Variants in TJP3 observed in about 807,000 individuals in gnomAD.
TJP3 encodes tight junction protein 3.
Under a neutral mutation model 104.2 loss-of-function variants are expected in TJP3, and 85 were observed. The observed-to-expected ratio is 0.82, with a 90% CI of 0.68 to 0.98. TJP3 has a LOEUF of 0.98. TJP3 is among the 50% of genes least tolerant of loss of function. The pLI is 0.00. For synonymous variants in TJP3, 550 were observed against 550.6 expected (o/e 1.00, Z 0.02); for missense variants, 1,367 against 1,322.8 (o/e 1.03, Z -0.52).
intron 3 of TJP3, 116 bp downstream of exon 3, chr19:3,728,829 G>A (rs1002692327): frequency 9.2e-7 from 1 of 1,085,696 alleles, no homozygotes; most frequent in South Asian, 1.5e-5. Context: ...GAAGTGGGCG[G>A]ATCACCTGAG....
intron 1 of TJP3, among the ~76,000 whole-genome samples, chr19:3,718,133 G>C (rs1019878061): frequency 6.7e-5 from 10 of 148,922 alleles, no homozygotes; most frequent in East Asian, 2.0e-4. Context: ...GTGAACCCGG[G>C]AAGCAGAGCT....
intron 1 of TJP3, among the ~76,000 whole-genome samples, chr19:3,712,379 G>A (rs772639169): frequency 2.6e-5 from 4 of 152,132 alleles, no homozygotes; most frequent in Non-Finnish European, 5.9e-5. Flanking sequence ...TGGGGCAGGG[G>A]GCCCCCTCTA....
At chr19:3,724,302 T>A (rs1325213133) in intron 1 of TJP3, among the ~76,000 whole-genome samples, 1 of 150,768 alleles carries the variant, frequency 6.6e-6, no homozygotes, top group Non-Finnish European at 1.5e-5. Context: ...TTCACGCCAT[T>A]CTCCTGCCTC....
intron 13 of TJP3, among the ~76,000 whole-genome samples, chr19:3,739,727 C>T (rs1008639739): frequency 5.3e-5 from 8 of 152,190 alleles, no homozygotes; most frequent in Non-Finnish European, 7.3e-5. Flanking sequence ...CCCAGAGGCT[C>T]CAGGAGAAAA....
intron 15 of TJP3, among the ~76,000 whole-genome samples, chr19:3,744,469 T>G (rs1272537699): frequency 6.6e-6 from 1 of 151,768 alleles, no homozygotes; most frequent in Non-Finnish European, 1.5e-5. Flanking sequence ...ATTGAGACCA[T>G]CCTGGCTAAC....
chr19:3,718,026 T>C (rs756637717), intron 1 of TJP3, among the ~76,000 whole-genome samples: 14 of 151,128 alleles, frequency 9.3e-5, no homozygotes, highest in Admixed American at 5.3e-4. Context: ...CCATCCTGGC[T>C]AACACGGTGA....
chr19:3,749,850 G>C (rs143470894), intron 19 of TJP3, among the ~76,000 whole-genome samples: 1 of 152,214 alleles, frequency 6.6e-6, no homozygotes, highest in African/African-American at 2.4e-5. Flanking sequence ...ACTGTACTAA[G>C]TCCTTTACGT....
intron 8 of TJP3, among the ~76,000 whole-genome samples, chr19:3,735,193 GTTTA>G (rs1004628527): frequency 2.3e-4 from 35 of 151,798 alleles, no homozygotes; most frequent in African/African-American, 7.5e-4. Context: ...TTTTTATTTT[GTTTA>G]TTTATTTATT....
chr19:3,747,005 T>A, intron 18 of TJP3, 129 bp downstream of exon 18: 1 of 845,768 alleles, frequency 1.2e-6, no homozygotes, highest in East Asian at 2.7e-5. Context: ...AGAGTCAAGA[T>A]GGGACCTGAG....
At position 3,730,338 on chromosome 19, in the gene TJP3, GT is replaced by G; in HGVS notation, c.262-16del. 2 of 1,504,792 alleles carry G rather than the reference GT, an allele frequency of 1.3e-6. No individual in the cohort carries two copies. The highest frequency in any genetic ancestry group is 4.8e-5 in the East Asian group (2 of 41,692). 93.2% of individuals were successfully genotyped at this position (1,504,792 alleles called of 1,614,324 possible). ...CCCTTGCCTGTAGCTGACCCTTCCT[GT>G]CCCCTCCTCTAACAGACAGTGAAAC... On this transcript the variant is annotated splice_polypyrimidine_tract_variant and intron_variant, in intron 4 of 20. Coordinates refer to ENST00000541714, the MANE Select transcript of TJP3 (RefSeq NM_001267560.2). This position sits in a 1 kb window ranked among gnomAD's most constrained non-coding sequence, Gnocchi z 7.3.
intron 15 of TJP3, among the ~76,000 whole-genome samples, chr19:3,745,591 C>T (rs1446091962): frequency 1.3e-5 from 2 of 152,206 alleles, no homozygotes; most frequent in Non-Finnish European, 2.9e-5. Flanking sequence ...CCTCTCAGGT[C>T]CTAGAAGACA....
In TJP3 at chr19:3,746,534, A is replaced by G. The variant is rs146257894; in HGVS notation, c.2060A>G (p.Asn687Ser). ...ACCCCCTCCGCCATCGAGCGCCTCA[A>G]CTATGTGCAGTACTACCCCATTGTG... ...DVTPSAIERL[N>S]YVQYYPIVVF... is the part of the protein sequence containing the mutation. Residue 687 changes from asparagine (N) to serine (S), a missense_variant, in exon 17 of 21, where the codon AAC becomes AGC. Physicochemically the swap from Asn to Ser is conservative, Grantham distance 46. Transcript: ENST00000541714. This position sits in a 1 kb window ranked among gnomAD's most constrained non-coding sequence, Gnocchi z 4.1. The G allele has an allele frequency of 4.0e-5, 64 of 1,613,890 alleles. No individual in the cohort carries two copies. The highest frequency in any genetic ancestry group is 5.3e-5 in the African/African-American group (4 of 74,908).
rs997106877 is a variant in TJP3 at position 3,746,256 on chromosome 19, G to A, written c.2010+175G>A. 1.3e-5 allele frequency among the ~76,000 whole-genome samples: 2 copies of A among 152,056 alleles called. No individual in the cohort carries two copies. ...GCCCGAGACAGACAAGGGCTTCTCG[G>A]AGTCAAACAGCAGCCAGCCCTGGGC... On this transcript the variant is annotated intron_variant, in intron 16 of 20. Transcript: ENST00000541714. This position sits in a 1 kb window ranked among gnomAD's most constrained non-coding sequence, Gnocchi z 4.1.
intron 1 of TJP3, among the ~76,000 whole-genome samples, chr19:3,724,845 C>A (rs534086562): frequency 6.6e-6 from 1 of 151,718 alleles, no homozygotes. Flanking sequence ...GGCCCTGGGG[C>A]CATTTAATGA....
At chr19:3,708,825 G>A (rs531865227) in intron 1 of TJP3, among the ~76,000 whole-genome samples, 1 of 152,280 alleles carries the variant, frequency 6.6e-6, no homozygotes, top group South Asian at 2.1e-4. Context: ...CCTAGGTGGC[G>A]CAGGGACCGG....
At position 3,747,994 on chromosome 19, in the gene TJP3, C is replaced by A. The variant is rs377636492; in HGVS notation, c.2523C>A (p.Ala841=). The A allele has an allele frequency of 6.2e-7, 1 of 1,611,336 alleles. No individual in the cohort carries two copies. The highest frequency in any genetic ancestry group is 1.3e-5 in the African/African-American group (1 of 75,030). Residue 841 remains alanine (A), a synonymous_variant, in exon 19 of 21, where the codon GCC becomes GCA. Transcript: ENST00000541714. ...TGGATGATGAGCCCCCGGCTCCAGC[C>A]CTGGCCCGGTCCTCGGAGCCCGTGC... ...TDVDDEPPAP[A]LARSSEPVQA...
chr19:3,724,197 G>A (rs1427810645), intron 1 of TJP3, among the ~76,000 whole-genome samples: 4 of 151,664 alleles, frequency 2.6e-5, no homozygotes, highest in Admixed American at 6.6e-5. Flanking sequence ...CCCTGGGGCT[G>A]TCTCTTTTTT....
At chr19:3,718,865 T>G (rs2145668623) in intron 1 of TJP3, among the ~76,000 whole-genome samples, 1 of 152,100 alleles carries the variant, frequency 6.6e-6, no homozygotes, top group African/African-American at 2.4e-5. Context: ...CACGACTCAT[T>G]AAAACAAATA....
At chr19:3,734,251 T>G in intron 7 of TJP3, 76 bp from the exon 8 acceptor site, 3 of 1,435,934 alleles carry the variant, frequency 2.1e-6, no homozygotes, top group Non-Finnish European at 1.9e-6. Context: ...AGAGGGGTGT[T>G]GATATACCCC....
Sources: allele counts gnomAD v4.1 joint callset (sites outside exome capture counted in the v4.1 genomes callset), GRCh38; gene constraint gnomAD v4.1.1; non-coding constraint Gnocchi (gnomAD v3.1); transcripts MANE v1.5; gene names NCBI Gene and HGNC (gene_info 2026-07-23, HGNC 2026-07-21).